Variants in TRAPPC12 observed in about 807,000 individuals in gnomAD.
TRAPPC12 encodes TPR repeat protein 15.
Under a neutral mutation model 69.2 loss-of-function variants are expected in TRAPPC12, and 61 were observed. That is an observed-to-expected ratio of 0.88 (90% confidence interval 0.72 to 1.09). The LOEUF is 1.09. TRAPPC12 is among the 50% of genes least tolerant of loss of function. The pLI is 0.00. For synonymous variants in TRAPPC12, 469 were observed against 438.9 expected (o/e 1.07, Z -0.86); for missense variants, 1,101 against 1,016.4 (o/e 1.08, Z -1.13).
At chr2:3,479,013 A>G in intron 11 of TRAPPC12, 80 bp downstream of exon 11, 1 of 1,514,054 alleles carries the variant, frequency 6.6e-7, no homozygotes, top group Non-Finnish European at 9.1e-7. Flanking sequence ...ACGTCTCAGC[A>G]GGGGCCTGCG....
At chr2:3,393,506 C>CAT (rs927933351) in intron 2 of TRAPPC12, among the ~76,000 whole-genome samples, 14 of 151,730 alleles carry the variant, frequency 9.2e-5, no homozygotes, top group African/African-American at 3.4e-4. Flanking sequence ...CACCCTCACA[C>CAT]ATATACACAC....
At chr2:3,476,040 T>C (rs987255219) in intron 9 of TRAPPC12, among the ~76,000 whole-genome samples, 12 of 151,940 alleles carry the variant, frequency 7.9e-5, no homozygotes, top group African/African-American at 2.9e-4. Context: ...TTCGGTTTCT[T>C]TTTAGTCCGC....
At chr2:3,473,626 C>G (rs1305252561) in intron 9 of TRAPPC12, among the ~76,000 whole-genome samples, 10 of 152,128 alleles carry the variant, frequency 6.6e-5, no homozygotes. Context: ...AACAGGAATG[C>G]ACCACCATGC....
chr2:3,400,957 T>C (rs896130106), intron 2 of TRAPPC12, among the ~76,000 whole-genome samples: 2 of 152,222 alleles, frequency 1.3e-5, no homozygotes, highest in Non-Finnish European at 2.9e-5. Context: ...CCCCTTGCCC[T>C]TCTGTGTCTT....
In TRAPPC12 at chr2:3,409,846, A is replaced by T. The variant is rs140064781; in HGVS notation, c.1164+7953A>T. Among the ~76,000 whole-genome samples the T allele has an allele frequency of 3.2e-4, 49 of 151,710 alleles. No homozygotes were observed. In the East Asian group the frequency reaches 8.9e-3, roughly 28 times the overall value. Reference sequence around the variant, plus strand: ...TGCATCTGACTCTCACACCACATCTAAATTAGAGATGAAGGGGCTCTCTCA... The same window carrying T: ...TGCATCTGACTCTCACACCACATCTTAATTAGAGATGAAGGGGCTCTCTCA... On this transcript the variant is annotated intron_variant, in intron 3 of 11. Coordinates refer to ENST00000324266, the MANE Select transcript of TRAPPC12 (RefSeq NM_016030.6).
intron 8 of TRAPPC12, among the ~76,000 whole-genome samples, chr2:3,461,435 G>A (rs1290724954): frequency 9.2e-5 from 14 of 152,188 alleles, no homozygotes; most frequent in Admixed American, 2.6e-4. Context: ...AAGGAGACTC[G>A]GCGTCCTGTT....
chr2:3,468,803 G>A (rs1024974844), intron 9 of TRAPPC12, among the ~76,000 whole-genome samples: 11 of 152,148 alleles, frequency 7.2e-5, no homozygotes, highest in African/African-American at 4.8e-5. Context: ...CACCCCACGC[G>A]CCAGCCTCAG....
At chr2:3,412,491 G>A (rs953055328) in intron 3 of TRAPPC12, among the ~76,000 whole-genome samples, 5 of 152,188 alleles carry the variant, frequency 3.3e-5, no homozygotes, top group African/African-American at 1.2e-4. Flanking sequence ...AACCCAGGTG[G>A]CTGAGGTTGC....
chr2:3,396,309 T>C (rs1328630919), intron 2 of TRAPPC12, among the ~76,000 whole-genome samples: 3 of 152,184 alleles, frequency 2.0e-5, no homozygotes, highest in African/African-American at 7.2e-5. Flanking sequence ...TAGTTTCTGA[T>C]GAGAAGTCTG....
intron 5 of TRAPPC12, among the ~76,000 whole-genome samples, chr2:3,436,478 C>G (rs1348282294): frequency 6.6e-6 from 1 of 152,038 alleles, no homozygotes; most frequent in African/African-American, 2.4e-5. Flanking sequence ...ACCCTCTTTT[C>G]TTCTGCACAG....
intron 5 of TRAPPC12, among the ~76,000 whole-genome samples, chr2:3,425,601 TTCTTAC>T (rs1223643852): frequency 1.3e-5 from 2 of 152,218 alleles, no homozygotes; most frequent in Non-Finnish European, 2.9e-5. Flanking sequence ...TTTGCTGGTT[TTCTTAC>T]TCTCTTCCGA....
At chr2:3,437,746 T>C (rs1294838687) in intron 5 of TRAPPC12, among the ~76,000 whole-genome samples, 1 of 4,834 alleles carries the variant, frequency 2.1e-4, no homozygotes, top group Admixed American at 3.0e-3. Flanking sequence ...AATCCCCCCA[T>C]CACCCCTGGA....
intron 8 of TRAPPC12, among the ~76,000 whole-genome samples, chr2:3,461,459 A>C (rs1665496476): frequency 6.6e-6 from 1 of 152,234 alleles, no homozygotes. Context: ...CCTCGGTAGC[A>C]AGCGACCGTG....
At chr2:3,462,721 C>A (rs1168261935) in intron 8 of TRAPPC12, 1 of 342,522 alleles carries the variant, frequency 2.9e-6, no homozygotes, top group East Asian at 8.0e-5. Flanking sequence ...TTCTTCCTCT[C>A]CTTAGGCCTC....
At chr2:3,406,860 C>T (rs1661762358) in intron 3 of TRAPPC12, among the ~76,000 whole-genome samples, 1 of 152,166 alleles carries the variant, frequency 6.6e-6, no homozygotes, top group African/African-American at 2.4e-5. Flanking sequence ...CCTCTTTGAT[C>T]GTTCCTGTTA....
chr2:3,457,302 G>GGT, intron 6 of TRAPPC12: 1 of 397,204 alleles, frequency 2.5e-6, no homozygotes, highest in Non-Finnish European at 4.8e-6. Flanking sequence ...GGGAGGGTGG[G>GGT]ATGGGAGGAA....
chr2:3,401,764 C>T lies in TRAPPC12; in HGVS notation c.1048-13C>T, dbSNP rs1337237079. On this transcript the variant is annotated splice_polypyrimidine_tract_variant and intron_variant, in intron 2 of 11. Coordinates refer to ENST00000324266, the MANE Select transcript of TRAPPC12 (RefSeq NM_016030.6). ...TTTATTGTCTTGACATATTTTTCTT[C>T]TATTCTTCCCAGGGAGATGCAGTTA... 2.0e-6 allele frequency: 3 copies of T among 1,527,528 alleles called. No individual in the cohort carries two copies. In the South Asian group the frequency reaches 3.8e-5, roughly 19 times the overall value. The allele number at this position is 1,527,528 out of a possible 1,614,324, so 94.6% of individuals were successfully genotyped here. A position where few individuals can be genotyped will look rare whatever the true frequency, so the allele number is the denominator to read the frequency against.
intron 7 of TRAPPC12, chr2:3,458,041 GAGAGGCCTCTGCGTCGGGGAC>G (rs61424875): frequency 0.42 from 446,812 of 1,057,516 alleles, 103,268 homozygotes; most frequent in African/African-American, 0.85. Flanking sequence ...GCGTCGGGGA[GAGAGGCCTCTGCGTCGGGGAC>G]AGAGGCCTCT....
intron 3 of TRAPPC12, among the ~76,000 whole-genome samples, chr2:3,409,233 G>A (rs1661904616): frequency 6.6e-6 from 1 of 152,208 alleles, no homozygotes; most frequent in Non-Finnish European, 1.5e-5. Context: ...CCTCAGCGAG[G>A]AGAGACAGTT....
Sources: gnomAD v4.1 joint callset for allele counts (sites outside exome capture counted in the v4.1 genomes callset) on GRCh38, gnomAD v4.1.1 for gene constraint, MANE v1.5 for transcripts, NCBI Gene and HGNC (gene_info 2026-07-23, HGNC 2026-07-21) for gene names.